Variants in ANKEF1 observed in about 807,000 individuals in gnomAD.
ANKEF1 encodes the protein ankyrin repeat and EF-hand domain containing 1, also known as ankyrin repeat and EF-hand domain-containing protein 1.
Under a neutral mutation model 65.1 loss-of-function variants are expected in ANKEF1, and 43 were observed. The observed-to-expected ratio is 0.66, with a 90% CI of 0.52 to 0.85. ANKEF1 has a LOEUF of 0.85. Among genes scored for constraint, ANKEF1 ranks in the 40% least tolerant of loss-of-function variants. The probability of loss-of-function intolerance (pLI) is 0.00; values close to 1 mark genes in which losing one functional copy is unlikely to be tolerated. For missense variants in ANKEF1, 934 were observed against 952.9 expected, an observed-to-expected ratio of 0.98 and a Z score of 0.26; for synonymous variants, 316 against 341.5, an observed-to-expected ratio of 0.93 and a Z score of 0.82.
In ANKEF1 at chr20:10,058,211, T is replaced by A. The variant is rs1393531418; in HGVS notation, c.*2551T>A. The A allele has an allele frequency of 6.6e-6, 1 of 152,238 alleles. No homozygotes were observed. 9.4% of individuals were successfully genotyped at this position (152,238 alleles called of 1,614,324 possible). On this transcript the variant is annotated 3_prime_UTR_variant, in exon 11 of 11. Coordinates refer to ENST00000378392, the MANE Select transcript of ANKEF1 (RefSeq NM_022096.6). Reference sequence around the variant, plus strand: ...ATACTGTACAACTGTAATAATTTCATAGCCACCTCCTGTTGCTATTGTGTT... The same window carrying A: ...ATACTGTACAACTGTAATAATTTCAAAGCCACCTCCTGTTGCTATTGTGTT...
intron 3 of ANKEF1, 85 bp from the exon 4 acceptor site, chr20:10,043,037 A>C: frequency 7.3e-7 from 1 of 1,369,304 alleles, no homozygotes; most frequent in Non-Finnish European, 1.0e-6. Context: ...AACTAGCTAA[A>C]TATGGATTTT....
Position 10,055,562 on chromosome 20 carries a change from A to G in ANKEF1, c.2233A>G (p.Arg745Gly). Residue 745 changes from arginine to glycine, a missense_variant, in exon 11 of 11, where the codon AGG becomes GGG. By Grantham distance (125) the Arg-to-Gly change is moderately radical (BLOSUM62 -2). Coordinates refer to ENST00000378392, the MANE Select transcript of ANKEF1 (RefSeq NM_022096.6). ...LIRKRELRRERFTHEVDFDDF... is the reference protein window; with the variant it reads ...LIRKRELRREGFTHEVDFDDF... Reference sequence around the variant, plus strand: ...CAGGAAGAGGGAACTACGGCGAGAGAGGTTTACACATGAGGTGGACTTCGA... The same window carrying G: ...CAGGAAGAGGGAACTACGGCGAGAGGGGTTTACACATGAGGTGGACTTCGA... 6.2e-7 allele frequency: 1 copy of G among 1,613,802 alleles called. No individual in the cohort carries two copies. The highest frequency in any genetic ancestry group is 8.5e-7 in the Non-Finnish European group (1 of 1,179,790).
chr20:10,049,480 G>T lies in ANKEF1; in HGVS notation c.911G>T (p.Arg304Leu). The change falls in exon 7 of 11, where the codon CGC becomes CTC. Residue 304 changes from arginine (R) to leucine (L), a missense_variant. Coordinates refer to ENST00000378392, the MANE Select transcript of ANKEF1 (RefSeq NM_022096.6). Reference sequence around the variant, plus strand: ...TTCAAAGCAGCAAGCAAAGAAATACGCCGAGCAGAGAGAATCGCTAATAAA... The same window carrying T: ...TTCAAAGCAGCAAGCAAAGAAATACTCCGAGCAGAGAGAATCGCTAATAAA... ...GGFKAASKEIRRAERIANKLA... is the reference protein window; with the variant it reads ...GGFKAASKEILRAERIANKLA... 1 of 1,614,102 alleles carries T rather than the reference G, an allele frequency of 6.2e-7. No homozygotes were observed. Among genetic ancestry groups the T allele is most frequent in the Non-Finnish European group, 8.5e-7 (1 of 1,179,992 alleles).
chr20:10,052,793 G>A lies in ANKEF1; in HGVS notation c.1871-319G>A, dbSNP rs540537870. On this transcript the variant is annotated intron_variant, in intron 8 of 10. Transcript: ENST00000378392. ...TCACATAGAAGGAAATTTGCACAAT[G>A]TGGGGAGAGAATAATCAATTTGATA... Among the ~76,000 whole-genome samples the A allele has an allele frequency of 5.1e-4, 78 of 152,242 alleles. 1 individual carries two copies. The South Asian group carries it at 0.012, about 24-fold the overall frequency.
chr20:10,054,022 A>C (rs1349017290), intron 9 of ANKEF1, among the ~76,000 whole-genome samples: 4 of 152,192 alleles, frequency 2.6e-5, no homozygotes, highest in Non-Finnish European at 5.9e-5. Flanking sequence ...CAAGAGATGA[A>C]AGTCAAGAAG....
At chr20:10,055,479 G>A in intron 10 of ANKEF1, 23 bp from the exon 11 acceptor site, 1 of 1,611,926 alleles carries the variant, frequency 6.2e-7, no homozygotes. Context: ...ACCTGCTGGG[G>A]TATGGCTATT....
rs541830124 is a variant in ANKEF1 at position 10,055,892 on chromosome 20, T to C, written c.*232T>C. ...ATAAATCCCCAAGCCCCTTTATGAA[T>C]GTAGTGAAATACATGGCATGTGGGT... On this transcript the variant is annotated 3_prime_UTR_variant, in exon 11 of 11. Coordinates refer to ENST00000378392, the MANE Select transcript of ANKEF1 (RefSeq NM_022096.6). 371 of 489,392 alleles carry C rather than the reference T, an allele frequency of 7.6e-4. 4 individuals are homozygous for C. The South Asian group carries it at 9.2e-3, about 12-fold the overall frequency. The allele number at this position is 489,392 out of a possible 1,614,324, so 30.3% of individuals were successfully genotyped here.
At chr20:10,036,856 T>C (rs1392721835) in intron 2 of ANKEF1, among the ~76,000 whole-genome samples, 1 of 152,028 alleles carries the variant, frequency 6.6e-6, no homozygotes, top group East Asian at 1.9e-4. Context: ...TCGAGGGTCA[T>C]GGGATAGGGC....
intron 2 of ANKEF1, among the ~76,000 whole-genome samples, chr20:10,037,299 C>T (rs531648103): frequency 1.3e-5 from 2 of 152,302 alleles, no homozygotes; most frequent in African/African-American, 4.8e-5. Flanking sequence ...CTCCATCCTC[C>T]AAGCATGGAC....
intron 4 of ANKEF1, among the ~76,000 whole-genome samples, chr20:10,043,873 G>C (rs1466073410): frequency 6.6e-6 from 1 of 151,826 alleles, no homozygotes; most frequent in African/African-American, 2.4e-5. Flanking sequence ...ATGTTGGCCA[G>C]GCTGATTTCG....
chr20:10,055,537 C>G lies in ANKEF1; in HGVS notation c.2208C>G (p.Ile736Met). 1 of 1,613,672 alleles carries G rather than the reference C, an allele frequency of 6.2e-7. No individual in the cohort carries two copies. The highest frequency in any genetic ancestry group is 8.5e-7 in the Non-Finnish European group (1 of 1,179,768). ...WSPEATTAEL[I>M]RKRELRRERF... ...CTGAAGCCACAACAGCAGAGCTGAT[C>G]AGGAAGAGGGAACTACGGCGAGAGA... The change falls in exon 11 of 11, where the codon ATC becomes ATG. Residue 736 changes from isoleucine (I) to methionine (M), a missense_variant. Physicochemically the swap from Ile to Met is conservative, Grantham distance 10. Coordinates refer to ENST00000378392, the MANE Select transcript of ANKEF1 (RefSeq NM_022096.6).
Position 10,049,875 on chromosome 20 carries a change from T to G in ANKEF1, c.1306T>G (p.Cys436Gly). 2 of 1,614,202 alleles carry G rather than the reference T, an allele frequency of 1.2e-6. No homozygotes were observed. Among genetic ancestry groups the G allele is most frequent in the Middle Eastern group, 1.6e-4 (1 of 6,062 alleles). The change falls in exon 7 of 11, where the codon TGT becomes GGT. Residue 436 changes from cysteine (C) to glycine (G), a missense_variant. Coordinates refer to ENST00000378392, the MANE Select transcript of ANKEF1 (RefSeq NM_022096.6). ...KGKFVLPLPI[C>G]VIPEYAFPRR... ...GAAATTTGTCTTACCCCTTCCAATC[T>G]GTGTCATTCCTGAGTACGCGTTTCC...
intron 3 of ANKEF1, among the ~76,000 whole-genome samples, chr20:10,041,325 A>C (rs1486281870): frequency 6.6e-6 from 1 of 151,558 alleles, no homozygotes; most frequent in African/African-American, 2.4e-5. Context: ...TTTAATGGTT[A>C]ACTTGATACT....
In ANKEF1 at chr20:10,056,484, TAGATAGATAGATGATAGATA is replaced by T. The variant is rs1985162484; in HGVS notation, c.*825_*844del. ...AGATGATAGATAGATAGATGATAGATAGATAGATAGATGATAGATAGATAGATAGATAGATAGATAGATAG... is the reference window on the plus strand; with the variant it reads ...AGATGATAGATAGATAGATGATAGATGATAGATAGATAGATAGATAGATAG... On this transcript the variant is annotated 3_prime_UTR_variant, in exon 11 of 11. Coordinates refer to ENST00000378392, the MANE Select transcript of ANKEF1 (RefSeq NM_022096.6). 1.5e-5 allele frequency: 2 copies of T among 135,106 alleles called. No homozygotes were observed. Among genetic ancestry groups the T allele is most frequent in the African/African-American group, 5.6e-5 (2 of 35,756 alleles). The allele number at this position is 135,106 out of a possible 1,614,324, so 8.4% of individuals were successfully genotyped here. A position where few individuals can be genotyped will look rare whatever the true frequency, so the allele number is the denominator to read the frequency against.
chr20:10,044,523 G>A lies in ANKEF1; in HGVS notation c.676G>A (p.Ala226Thr), dbSNP rs755799255. Residue 226 changes from alanine to threonine, a missense_variant, in exon 5 of 11, where the codon GCT (alanine) becomes ACT (threonine). Transcript: ENST00000378392. The stretch of plus-strand genomic sequence containing the variant: ...CAGGCATCACGCTGCTCATTTTGCT[G>A]CTAAAGGAGGCTTTTTCGATGTAAT... ...NDRHHAAHFA[A>T]KGGFFDILKL... The A allele has an allele frequency of 6.2e-7, 1 of 1,614,000 alleles. No individual in the cohort carries two copies. The highest frequency in any genetic ancestry group is 8.5e-7 in the Non-Finnish European group (1 of 1,179,942).
In ANKEF1 at chr20:10,055,571, C is replaced by T. The variant is rs773369100; in HGVS notation, c.2242C>T (p.His748Tyr). The T allele has an allele frequency of 1.2e-5, 19 of 1,613,764 alleles. No individual in the cohort carries two copies. The highest frequency in any genetic ancestry group is 1.5e-5 in the Non-Finnish European group (18 of 1,179,784). Residue 748 changes from histidine to tyrosine, a missense_variant, in exon 11 of 11, where the codon CAT (histidine) becomes TAT (tyrosine). Transcript: ENST00000378392. ...KRELRRERFTHEVDFDDFMMP... is the reference protein window; with the variant it reads ...KRELRRERFTYEVDFDDFMMP... ...GGAACTACGGCGAGAGAGGTTTACA[C>T]ATGAGGTGGACTTCGACGATTTTAT...
intron 7 of ANKEF1, among the ~76,000 whole-genome samples, chr20:10,050,867 A>C (rs1312013464): frequency 6.6e-6 from 1 of 152,174 alleles, no homozygotes; most frequent in African/African-American, 2.4e-5. Context: ...TGGTCCCAAA[A>C]CCTGCTGCCC....
intron 10 of ANKEF1, among the ~76,000 whole-genome samples, chr20:10,055,207 A>G (rs1373989080): frequency 6.6e-6 from 1 of 152,210 alleles, no homozygotes; most frequent in African/African-American, 2.4e-5. Context: ...CATCCTAAAA[A>G]ACGCACAGCA....
At position 10,049,445 on chromosome 20, in the gene ANKEF1, G is replaced by C; in HGVS notation, c.876G>C (p.Lys292Asn). The C allele has an allele frequency of 6.2e-7, 1 of 1,614,176 alleles. No homozygotes were observed. The highest frequency in any genetic ancestry group is 8.5e-7 in the Non-Finnish European group (1 of 1,180,010). Residue 292 changes from lysine to asparagine, a missense_variant, in exon 7 of 11, where the codon AAG becomes AAC. Coordinates refer to ENST00000378392, the MANE Select transcript of ANKEF1 (RefSeq NM_022096.6). ...ATAAAACGCCCAGGGCTGTGGCTAA[G>C]GAAGGCGGCTTCAAAGCAGCAAGCA... ...LDHKTPRAVA[K>N]EGGFKAASKE...
Sources: allele counts gnomAD v4.1 joint callset (sites outside exome capture counted in the v4.1 genomes callset), GRCh38; gene constraint gnomAD v4.1.1; transcripts MANE v1.5; gene names NCBI Gene and HGNC (gene_info 2026-07-23, HGNC 2026-07-21).